PRRG2: variants seen among roughly 807,000 people sequenced by gnomAD.
PRRG2 encodes the protein proline rich and Gla domain 2.
PRRG2 carries 23 observed loss-of-function variants against 27.1 expected under a neutral mutation model. That is an observed-to-expected ratio of 0.85 (90% CI 0.61 to 1.20). PRRG2 has a LOEUF of 1.20. PRRG2 is among the 50% of genes most tolerant of loss of function. The pLI is 0.00. For missense variants in PRRG2, 276 were observed against 254.8 expected (o/e 1.08, Z -0.57); for synonymous variants, 104 against 103.4 (o/e 1.01, Z -0.03).
At chr19:49,583,444 C>T (rs2080643559) in intron 2 of PRRG2, 98 bp from the exon 3 acceptor site, 4 of 1,521,360 alleles carry the variant, frequency 2.6e-6, no homozygotes, top group Non-Finnish European at 3.6e-6. Flanking sequence ...GATTCCCAGC[C>T]CCTGCTCCTT....
rs368655768 is a variant in PRRG2 at position 49,588,463 on chromosome 19, G to A, written c.302-34G>A. ...GATGTTGGGGTGGGTGGCAGTCCCCGAGACAGTGTCTCCCCTTCCCTACTT... is the reference window on the plus strand; with the variant it reads ...GATGTTGGGGTGGGTGGCAGTCCCCAAGACAGTGTCTCCCCTTCCCTACTT... On this transcript the variant is annotated intron_variant, in intron 4 of 6. Transcript: ENST00000246794. 40 of 1,570,228 alleles carry A rather than the reference G, an allele frequency of 2.5e-5. 1 individual carries two copies. The East Asian group carries it at 5.3e-4, about 21-fold the overall frequency.
chr19:49,588,091 A>G (rs2080685884), intron 4 of PRRG2, among the ~76,000 whole-genome samples: 1 of 151,376 alleles, frequency 6.6e-6, no homozygotes, highest in Non-Finnish European at 1.5e-5. Context: ...CCTCCCAGAT[A>G]ACTGGGATTA....
In PRRG2 at chr19:49,590,990, T is replaced by G. The variant is rs2080718050; in HGVS notation, c.*601T>G. ...GCAGAAATAATGCAAAAAATAATAATGAAATGAACTGCGATCCCGGGCGCA... is the reference window on the plus strand; with the variant it reads ...GCAGAAATAATGCAAAAAATAATAAGGAAATGAACTGCGATCCCGGGCGCA... On this transcript the variant is annotated 3_prime_UTR_variant, in exon 7 of 7. Transcript: ENST00000246794. 2.0e-5 allele frequency: 3 copies of G among 151,424 alleles called. No individual in the cohort carries two copies. Among genetic ancestry groups the G allele is most frequent in the Admixed American group, 6.6e-5 (1 of 15,202 alleles). The allele number at this position is 151,424 out of a possible 1,614,324, so 9.4% of individuals were successfully genotyped here. A position where few individuals can be genotyped will look rare whatever the true frequency, so the allele number is the denominator to read the frequency against.
Position 49,590,154 on chromosome 19 carries a change from A to G in PRRG2, c.590+102A>G, listed in dbSNP as rs549948454. 250 of 1,273,282 alleles carry G rather than the reference A, an allele frequency of 2.0e-4. No individual in the cohort carries two copies. In the African/African-American group the frequency reaches 3.2e-3, roughly 16 times the overall value. The allele number at this position is 1,273,282 out of a possible 1,614,324, so 78.9% of individuals were successfully genotyped here. Reference sequence around the variant, plus strand: ...CGGGACTTGGAATTTGGGCCTTCTTACCTGGGGCGGGGCTTGGAGTGCGGG... The same window carrying G: ...CGGGACTTGGAATTTGGGCCTTCTTGCCTGGGGCGGGGCTTGGAGTGCGGG... On this transcript the variant is annotated intron_variant, in intron 6 of 6. Transcript: ENST00000246794.
rs554081457 is a variant in PRRG2, at chr19:49,589,777, C to T, written c.438-123C>T. 5 of 1,114,016 alleles carry T rather than the reference C, an allele frequency of 4.5e-6. No individual in the cohort carries two copies. The East Asian group carries it at 9.5e-5, about 21-fold the overall frequency. The allele number at this position is 1,114,016 out of a possible 1,614,324, so 69.0% of individuals were successfully genotyped here. On this transcript the variant is annotated intron_variant, in intron 5 of 6. Coordinates refer to ENST00000246794, the MANE Select transcript of PRRG2 (RefSeq NM_000951.3). ...AAGGTGACCCTCCTTTTCTGAAGTC[C>T]ACCTCCCTTCCAGCTCTGTCCCAGT...
Position 49,583,265 on chromosome 19 carries a change from A to G in PRRG2, c.46A>G (p.Thr16Ala), listed in dbSNP as rs1399760554. Residue 16 changes from threonine to alanine, a missense_variant, in exon 2 of 7, where the codon ACC (threonine) becomes GCC (alanine). Thr to Ala is a moderately conservative substitution (Grantham distance 58). Coordinates refer to ENST00000246794, the MANE Select transcript of PRRG2 (RefSeq NM_000951.3). ...SLLLLYMALT[T>A]CLDTSPSEET... ...GCTGCTGCTATATATGGCATTAACC[A>G]CCTGCCTGGATACTTCACCCAGTGA... 2 of 1,614,152 alleles carry G rather than the reference A, an allele frequency of 1.2e-6. No homozygotes were observed. The highest frequency in any genetic ancestry group is 1.1e-5 in the South Asian group (1 of 91,076).
chr19:49,583,790 G>A, intron 3 of PRRG2, 73 bp downstream of exon 3: 3 of 1,610,884 alleles, frequency 1.9e-6, no homozygotes, highest in Non-Finnish European at 2.5e-6. Flanking sequence ...GCAGGGGTAG[G>A]TTCTGGCCTT....
chr19:49,581,833 C>T (rs778360862), intron 1 of PRRG2, among the ~76,000 whole-genome samples: 8 of 152,158 alleles, frequency 5.3e-5, no homozygotes, highest in Non-Finnish European at 1.2e-4. Flanking sequence ...TCTTCTCTGG[C>T]GGACACTGCC....
chr19:49,583,299 A>G lies in PRRG2; in HGVS notation c.80A>G (p.Asp27Gly). 6.2e-7 allele frequency: 1 copy of G among 1,614,100 alleles called. No individual in the cohort carries two copies. Among genetic ancestry groups the G allele is most frequent in the Non-Finnish European group, 8.5e-7 (1 of 1,179,928 alleles). Residue 27 changes from aspartate to glycine, a missense_variant, in exon 2 of 7, where the codon GAC becomes GGC. By Grantham distance (94) the Asp-to-Gly change is moderately conservative. Transcript: ENST00000246794. ...GATACTTCACCCAGTGAGGAGACAG[A>G]CCAAGGTGAGTGTTTGGGGGAAGTG... ...CLDTSPSEET[D>G]QEVFLGPPEA...
At chr19:49,589,573 A>T (rs2080699005) in intron 5 of PRRG2, among the ~76,000 whole-genome samples, 1 of 151,198 alleles carries the variant, frequency 6.6e-6, no homozygotes, top group African/African-American at 2.4e-5. Context: ...AACTAGAGCT[A>T]CAGGTGTGCG....
At chr19:49,585,449 G>A (rs1303057002) in intron 4 of PRRG2, among the ~76,000 whole-genome samples, 1 of 152,230 alleles carries the variant, frequency 6.6e-6, no homozygotes, top group Non-Finnish European at 1.5e-5. Context: ...AATTCAGGAG[G>A]ACCTGCCTTC....
At chr19:49,586,382 C>T (rs920633110) in intron 4 of PRRG2, among the ~76,000 whole-genome samples, 2 of 112,300 alleles carry the variant, frequency 1.8e-5, no homozygotes, top group Middle Eastern at 4.6e-3. Flanking sequence ...CCACCAAGCC[C>T]GGCCATTTTT....
chr19:49,586,932 A>G (rs2080674787), intron 4 of PRRG2, among the ~76,000 whole-genome samples: 1 of 152,056 alleles, frequency 6.6e-6, no homozygotes, highest in Non-Finnish European at 1.5e-5. Flanking sequence ...GGAGGTAGAG[A>G]TTGGTGGATT....
intron 4 of PRRG2, 29 bp from the exon 5 acceptor site, chr19:49,588,468 A>T (rs1303604023): frequency 1.9e-6 from 3 of 1,575,540 alleles, no homozygotes; most frequent in Admixed American, 3.7e-5. Flanking sequence ...TCCCCGAGAC[A>T]GTGTCTCCCC....
At chr19:49,588,753 C>T in intron 5 of PRRG2, 121 bp downstream of exon 5, 1 of 1,246,896 alleles carries the variant, frequency 8.0e-7, no homozygotes, top group Non-Finnish European at 1.1e-6. Context: ...CCTAAGGACA[C>T]AGTCATTTGG....
chr19:49,583,118 A>G, intron 1 of PRRG2, 89 bp from the exon 2 acceptor site: 1 of 1,019,804 alleles, frequency 9.8e-7, no homozygotes, highest in Non-Finnish European at 1.5e-6. Flanking sequence ...TATTATTGCC[A>G]TTCGTGGACC....
intron 3 of PRRG2, 54 bp downstream of exon 3, chr19:49,583,771 G>T: frequency 6.2e-7 from 1 of 1,611,970 alleles, no homozygotes; most frequent in Non-Finnish European, 8.5e-7. Context: ...CTATACCTGT[G>T]GGGAGGTTGC....
At chr19:49,586,759 G>T (rs1170027636) in intron 4 of PRRG2, among the ~76,000 whole-genome samples, 1 of 152,208 alleles carries the variant, frequency 6.6e-6, no homozygotes, top group South Asian at 2.1e-4. Context: ...GCTGAGGCAG[G>T]AGAATTGCTT....
chr19:49,590,645 G>A lies in PRRG2; in HGVS notation c.*256G>A, dbSNP rs1225085531. 1 of 553,050 alleles carries A rather than the reference G, an allele frequency of 1.8e-6. No homozygotes were observed. Among genetic ancestry groups the A allele is most frequent in the Non-Finnish European group, 3.2e-6 (1 of 313,688 alleles). The allele number at this position is 553,050 out of a possible 1,614,324, so 34.3% of individuals were successfully genotyped here. ...CTCCTGACCGTGAGGGCACTGGTCA[G>A]TTCCGCCCCCGTGGTAGGCAGACGC... On this transcript the variant is annotated 3_prime_UTR_variant, in exon 7 of 7. Coordinates refer to ENST00000246794, the MANE Select transcript of PRRG2 (RefSeq NM_000951.3).
Sources: allele counts gnomAD v4.1 joint callset (sites outside exome capture counted in the v4.1 genomes callset), GRCh38; gene constraint gnomAD v4.1.1; transcripts MANE v1.5; gene names NCBI Gene and HGNC (gene_info 2026-07-23, HGNC 2026-07-21).